The following LRP1B variants were observed in gnomAD, a reference collection of about 807,000 sequenced individuals.
LRP1B encodes the protein LDL receptor related protein 1B, also known as low-density lipoprotein receptor-related protein 1B.
A neutral mutation model predicts 556.6 loss-of-function variants in LRP1B; 217 were observed. That is an observed-to-expected ratio of 0.39 (90% CI 0.35 to 0.44). The LOEUF is 0.44. Ranked by LOEUF, LRP1B falls within the 20% of genes least tolerant of loss-of-function variation. The probability of loss-of-function intolerance (pLI) is 1.00; values close to 1 mark genes in which losing one functional copy is unlikely to be tolerated. For missense variants in LRP1B, 5,053 were observed against 5,620.8 expected, an observed-to-expected ratio of 0.90 and a Z score of 3.23; for synonymous variants, 2,047 against 1,865.8, an observed-to-expected ratio of 1.10 and a Z score of -2.50.
intron 41 of LRP1B, among the ~76,000 whole-genome samples, chr2:140,647,400 T>A (rs560148299): frequency 6.8e-4 from 103 of 152,290 alleles, no homozygotes; most frequent in African/African-American, 2.2e-3. Context: ...GAGTTTCCCA[T>A]TTATTTACTT....
intron 1 of LRP1B, among the ~76,000 whole-genome samples, chr2:142,025,966 CAG>C (rs1456589397): frequency 6.6e-6 from 1 of 152,068 alleles, no homozygotes; most frequent in Non-Finnish European, 1.5e-5. Context: ...TGTAAGCTCA[CAG>C]AGAGTGAACA....
chr2:140,756,362 C>A (rs1688740912), intron 35 of LRP1B, among the ~76,000 whole-genome samples: 1 of 151,798 alleles, frequency 6.6e-6, no homozygotes, highest in Non-Finnish European at 1.5e-5. Context: ...TACAAGGACT[C>A]AAAAATAACC....
intron 3 of LRP1B, among the ~76,000 whole-genome samples, chr2:141,478,550 C>T (rs938717349): frequency 1.5e-5 from 2 of 134,302 alleles, no homozygotes. Context: ...CTCTCATTCT[C>T]TCTTTCTTTC....
intron 2 of LRP1B, among the ~76,000 whole-genome samples, chr2:141,544,338 T>TTTTCTTCTTCC (rs1685434460): frequency 1.5e-5 from 1 of 66,688 alleles, no homozygotes; most frequent in Admixed American, 1.9e-4. Flanking sequence ...CTTCTTCTTC[T>TTTTCTTCTTCC]TCTTCTTCTT....
chr2:141,778,646 T>C lies in LRP1B; in HGVS notation c.205+31633A>G, dbSNP rs1234422905. Among the ~76,000 whole-genome samples, 7 of 152,212 alleles carry C rather than the reference T, an allele frequency of 4.6e-5. No individual in the cohort carries two copies. The East Asian group carries it at 1.2e-3, about 25-fold the overall frequency. On this transcript the variant is annotated intron_variant, in intron 2 of 90. Coordinates refer to ENST00000389484, the MANE Select transcript of LRP1B (RefSeq NM_018557.3). ...TGTGTGTAATACGTTTCAAAACAAA[T>C]GTATGGTATGACCATGAACTACAAA...
At chr2:141,149,340 C>T (rs1308704241) in intron 7 of LRP1B, among the ~76,000 whole-genome samples, 2 of 152,110 alleles carry the variant, frequency 1.3e-5, no homozygotes, top group East Asian at 3.9e-4. Flanking sequence ...TTTCTCTAGA[C>T]TCTGGTAGCC....
chr2:140,320,735 T>G (rs552591523), intron 82 of LRP1B, among the ~76,000 whole-genome samples: 3 of 152,104 alleles, frequency 2.0e-5, no homozygotes, highest in Admixed American at 1.3e-4. Flanking sequence ...GCAAGAACAC[T>G]GCCTTTGTGT....
intron 87 of LRP1B, among the ~76,000 whole-genome samples, chr2:140,244,396 T>C (rs1373599758): frequency 6.6e-6 from 1 of 151,324 alleles, no homozygotes; most frequent in Non-Finnish European, 1.5e-5. Context: ...CAATGCTGAG[T>C]ATATTTTTGT....
At chr2:140,933,850 T>C (rs1041089994) in intron 20 of LRP1B, among the ~76,000 whole-genome samples, 1 of 152,110 alleles carries the variant, frequency 6.6e-6, no homozygotes, top group Non-Finnish European at 1.5e-5. Flanking sequence ...GAAATAGGCT[T>C]TGTTATTAAG....
intron 2 of LRP1B, among the ~76,000 whole-genome samples, chr2:141,656,395 A>T (rs1468714986): frequency 6.6e-6 from 1 of 152,154 alleles, no homozygotes; most frequent in Non-Finnish European, 1.5e-5. Context: ...TCTACTTTCT[A>T]AAAGTATTGT....
chr2:140,477,638 T>G (rs77979294), intron 59 of LRP1B, among the ~76,000 whole-genome samples: 7,330 of 152,288 alleles, frequency 0.048, 217 homozygotes, highest in African/African-American at 0.052. Context: ...TCAAGTGGTC[T>G]AACTTCCATA....
intron 41 of LRP1B, among the ~76,000 whole-genome samples, chr2:140,693,665 C>T (rs1686323255): frequency 6.6e-6 from 1 of 151,628 alleles, no homozygotes; most frequent in Non-Finnish European, 1.5e-5. Flanking sequence ...GTTGTTATTA[C>T]TAGCTTAAGA....
intron 3 of LRP1B, among the ~76,000 whole-genome samples, chr2:141,303,961 G>A (rs997455279): frequency 1.1e-4 from 17 of 151,970 alleles, no homozygotes; most frequent in Non-Finnish European, 1.9e-4. Flanking sequence ...ATTCTAATTG[G>A]GGGAAAGATG....
chr2:141,497,988 G>T (rs1044113805), intron 2 of LRP1B, among the ~76,000 whole-genome samples: 1 of 151,294 alleles, frequency 6.6e-6, no homozygotes, highest in Non-Finnish European at 1.5e-5. Flanking sequence ...AAAACTTAAC[G>T]TTAGTATCTA....
intron 11 of LRP1B, among the ~76,000 whole-genome samples, chr2:141,033,072 C>T (rs180789201): frequency 8.6e-5 from 13 of 151,784 alleles, no homozygotes; most frequent in African/African-American, 2.4e-4. Flanking sequence ...TGGAGTGAGC[C>T]TTGAAGGGAA....
chr2:140,455,845 G>A (rs1196216309), intron 62 of LRP1B, among the ~76,000 whole-genome samples: 1 of 152,122 alleles, frequency 6.6e-6, no homozygotes, highest in Non-Finnish European at 1.5e-5. Flanking sequence ...ACAAGATAGT[G>A]GCTCACGTGT....
At chr2:141,399,485 C>A (rs1172054196) in intron 3 of LRP1B, among the ~76,000 whole-genome samples, 3 of 152,166 alleles carry the variant, frequency 2.0e-5, no homozygotes, top group African/African-American at 7.2e-5. Context: ...GTTCCCCCAG[C>A]GGCTACATCC....
rs1166539748 is a variant in LRP1B, at chr2:141,402,879, T to G, written c.343+77517A>C. ...ATATCAAACTACTGAAAAGATGAAT[T>G]TTTATGACATTTGGATGAGAACTCC... On this transcript the variant is annotated intron_variant, in intron 3 of 90. Coordinates refer to ENST00000389484, the MANE Select transcript of LRP1B (RefSeq NM_018557.3). 2.6e-5 allele frequency among the ~76,000 whole-genome samples: 4 copies of G among 152,100 alleles called. No homozygotes were observed. In the East Asian group the frequency reaches 7.7e-4, roughly 29 times the overall value.
chr2:140,503,197 A>T, intron 53 of LRP1B, 94 bp from the exon 54 acceptor site: 1 of 1,026,678 alleles, frequency 9.7e-7, no homozygotes, highest in Non-Finnish European at 1.4e-6. Context: ...ATTAATGTGG[A>T]TTACTCATGT....
Sources: allele counts gnomAD v4.1 joint callset (sites outside exome capture counted in the v4.1 genomes callset), GRCh38; gene constraint gnomAD v4.1.1; transcripts MANE v1.5; gene names NCBI Gene and HGNC (gene_info 2026-07-23, HGNC 2026-07-21).